The following LIMS4 variants were observed in gnomAD, a reference collection of about 807,000 sequenced individuals.
LIMS4 encodes LIM and senescent cell antigen-like-containing domain protein 4.
At chr2:110,382,544 A>G in the LIMS4 span, among the ~76,000 whole-genome samples, 1 of 32,550 alleles carries the variant, frequency 3.1e-5, no homozygotes, top group East Asian at 6.7e-4. Context: ...AATCATGTGA[A>G]AAGCTTGTAT....
At chr2:110,390,269 A>G in the LIMS4 span, among the ~76,000 whole-genome samples, 2 of 142,422 alleles carry the variant, frequency 1.4e-5, no homozygotes, top group Non-Finnish European at 3.0e-5. Context: ...CAGAGCATGG[A>G]CCACGCATCC....
chr2:110,365,807 A>G, the LIMS4 span, among the ~76,000 whole-genome samples: 8 of 141,868 alleles, frequency 5.6e-5, no homozygotes, highest in Admixed American at 5.6e-4. Flanking sequence ...GAAGAAAGAG[A>G]AAATCCAAAT....
chr2:110,425,306 G>T, the LIMS4 span, among the ~76,000 whole-genome samples: 1 of 142,384 alleles, frequency 7.0e-6, no homozygotes, highest in Admixed American at 6.9e-5. Flanking sequence ...CTTGAGCTTA[G>T]GAGGTTGAGG....
At chr2:110,382,159 G>T in the LIMS4 span, among the ~76,000 whole-genome samples, 11 of 53,740 alleles carry the variant, frequency 2.0e-4, no homozygotes, top group Admixed American at 1.0e-3. Flanking sequence ...ATACATGTTT[G>T]AACATTCACA....
the LIMS4 span, among the ~76,000 whole-genome samples, chr2:110,372,666 T>G: frequency 4.6e-4 from 69 of 149,092 alleles, 14 homozygotes; most frequent in African/African-American, 1.8e-3. Flanking sequence ...CCACCACACC[T>G]GGCTGATTTT....
the LIMS4 span, among the ~76,000 whole-genome samples, chr2:110,368,110 T>C: frequency 6.8e-6 from 1 of 146,968 alleles, no homozygotes; most frequent in Non-Finnish European, 1.5e-5. Context: ...CATTTTGGGC[T>C]ACCTTAACAA....
At chr2:110,359,157 T>C in the LIMS4 span, 1 of 149,776 alleles carries the variant, frequency 6.7e-6, no homozygotes, top group Non-Finnish European at 1.5e-5. Context: ...TTTATTTACA[T>C]ATGAAATGTG....
chr2:110,422,860 TA>T, the LIMS4 span, among the ~76,000 whole-genome samples: 2 of 122,272 alleles, frequency 1.6e-5, no homozygotes, highest in African/African-American at 4.4e-5. Context: ...CTGAGGGGTC[TA>T]AAGATTGGCT....
the LIMS4 span, among the ~76,000 whole-genome samples, chr2:110,394,629 AG>A: frequency 8.7e-6 from 1 of 115,362 alleles, no homozygotes; most frequent in African/African-American, 4.1e-5. Flanking sequence ...CCCAGCTACT[AG>A]GGAGGCTGAG....
At chr2:110,379,254 G>T in the LIMS4 span, among the ~76,000 whole-genome samples, 2 of 151,578 alleles carry the variant, frequency 1.3e-5, no homozygotes, top group African/African-American at 2.5e-5. Flanking sequence ...TTGCTTGCTT[G>T]CTTGTTGGTT....
the LIMS4 span, among the ~76,000 whole-genome samples, chr2:110,371,251 A>C: frequency 1.3e-4 from 17 of 128,594 alleles, no homozygotes; most frequent in Admixed American, 6.2e-4. Context: ...AAAAAAAAAA[A>C]AAAACAAGTC....
At chr2:110,361,904 C>T in the LIMS4 span, 1 of 1,431,468 alleles carries the variant, frequency 7.0e-7, no homozygotes, top group Non-Finnish European at 9.8e-7. Context: ...GAAGACTTCA[C>T]AGTGAGAACC....
the LIMS4 span, among the ~76,000 whole-genome samples, chr2:110,424,416 C>T: frequency 9.0e-6 from 1 of 111,274 alleles, no homozygotes; most frequent in African/African-American, 4.2e-5. Context: ...TTTAATGAGA[C>T]CGCTCCTGAT....
At chr2:110,391,083 C>T in the LIMS4 span, among the ~76,000 whole-genome samples, 1 of 135,636 alleles carries the variant, frequency 7.4e-6, no homozygotes, top group East Asian at 2.4e-4. Context: ...CTAGGACAGA[C>T]ATTAGTTTGT....
At chr2:110,382,461 G>T in the LIMS4 span, among the ~76,000 whole-genome samples, 1 of 28,178 alleles carries the variant, frequency 3.5e-5, no homozygotes. Flanking sequence ...AAGCAGTCTG[G>T]CACTTTGTCA....
chr2:110,391,120 A>C, the LIMS4 span, among the ~76,000 whole-genome samples: 1 of 109,702 alleles, frequency 9.1e-6, no homozygotes, highest in Non-Finnish European at 1.8e-5. Flanking sequence ...AAAGGGGGAC[A>C]GCGTGGCTGG....
At chr2:110,397,234 AT>A in the LIMS4 span, among the ~76,000 whole-genome samples, 2 of 104,974 alleles carry the variant, frequency 1.9e-5, no homozygotes, top group African/African-American at 7.5e-5. Context: ...GTTTTTTTTT[AT>A]TTTTTTCTTT....
the LIMS4 span, among the ~76,000 whole-genome samples, chr2:110,427,186 G>GT: frequency 7.7e-6 from 1 of 130,348 alleles, no homozygotes; most frequent in Non-Finnish European, 1.5e-5. Flanking sequence ...GGGATTATTT[G>GT]TTTTTTTCTT....
chr2:110,359,611 C>A, the LIMS4 span, among the ~76,000 whole-genome samples: 1 of 21,554 alleles, frequency 4.6e-5, no homozygotes, highest in African/African-American at 6.4e-5. Context: ...GCACCCAGAA[C>A]AGGAAACGCC....
Sources: allele counts gnomAD v4.1 joint callset (sites outside exome capture counted in the v4.1 genomes callset), GRCh38; gene constraint gnomAD v4.1.1; transcripts MANE v1.5; gene names NCBI Gene and HGNC (gene_info 2026-07-23, HGNC 2026-07-21).